The following BRINP3 variants were observed in gnomAD, a reference collection of about 807,000 sequenced individuals.
BRINP3 encodes BMP/retinoic acid-inducible neural-specific protein 3.
BRINP3 carries 19 observed loss-of-function variants against 71.0 expected under a neutral mutation model. The ratio of observed to expected loss-of-function variants is 0.27; its 90% CI spans 0.19 to 0.39. The LOEUF is 0.39. Among genes scored for constraint, BRINP3 ranks in the 10% least tolerant of loss-of-function variants. BRINP3 has a pLI of 1.00. For synonymous variants in BRINP3, 380 were observed against 337.7 expected (o/e 1.13, Z -1.37); for missense variants, 959 against 940.8 (o/e 1.02, Z -0.25).
intron 1 of BRINP3, among the ~76,000 whole-genome samples, chr1:190,456,869 C>G (rs540660854): frequency 9.2e-4 from 140 of 152,148 alleles, no homozygotes; most frequent in African/African-American, 3.3e-3. Flanking sequence ...CATATATCAT[C>G]TGAAAGGATG....
chr1:190,416,371 C>T (rs1395357705), intron 2 of BRINP3, among the ~76,000 whole-genome samples: 1 of 152,022 alleles, frequency 6.6e-6, no homozygotes, highest in Non-Finnish European at 1.5e-5. Flanking sequence ...TATATGACCC[C>T]CTTGCCACCA....
At chr1:190,449,007 GTT>G (rs1675424835) in intron 2 of BRINP3, among the ~76,000 whole-genome samples, 1 of 151,748 alleles carries the variant, frequency 6.6e-6, no homozygotes, top group Non-Finnish European at 1.5e-5. Flanking sequence ...TTTTTCTAAG[GTT>G]TTACTCAAAT....
chr1:190,233,065 T>G (rs934786659), intron 5 of BRINP3, among the ~76,000 whole-genome samples: 2 of 151,208 alleles, frequency 1.3e-5, no homozygotes, highest in African/African-American at 2.4e-5. Flanking sequence ...CATTCACTAT[T>G]TAGGATAAAT....
intron 6 of BRINP3, among the ~76,000 whole-genome samples, chr1:190,213,746 T>C (rs148230724): frequency 1.3e-5 from 2 of 151,896 alleles, no homozygotes; most frequent in Non-Finnish European, 1.5e-5. Flanking sequence ...CTAATAAAAT[T>C]GCACAATTGA....
chr1:190,134,928 C>T (rs1375791496), intron 7 of BRINP3, among the ~76,000 whole-genome samples: 2 of 152,016 alleles, frequency 1.3e-5, no homozygotes, highest in Non-Finnish European at 2.9e-5. Context: ...TATCTCAGTG[C>T]CTCTTTACTA....
chr1:190,436,990 T>C (rs1038441334), intron 2 of BRINP3, among the ~76,000 whole-genome samples: 51 of 151,814 alleles, frequency 3.4e-4, no homozygotes, highest in African/African-American at 1.2e-3. Flanking sequence ...TTACAGAAGT[T>C]TTACAATATC....
intron 2 of BRINP3, among the ~76,000 whole-genome samples, chr1:190,381,393 G>A (rs1429356761): frequency 6.6e-6 from 1 of 152,056 alleles, no homozygotes; most frequent in Non-Finnish European, 1.5e-5. Context: ...TAACAATTAT[G>A]TACCAAGCCA....
At chr1:190,408,498 G>A (rs913364531) in intron 2 of BRINP3, among the ~76,000 whole-genome samples, 18 of 151,994 alleles carry the variant, frequency 1.2e-4, no homozygotes, top group African/African-American at 3.4e-4. Context: ...TAGGAGAATT[G>A]AACTATACTC....
intron 2 of BRINP3, among the ~76,000 whole-genome samples, chr1:190,371,704 G>A (rs1272017316): frequency 6.6e-6 from 1 of 152,140 alleles, no homozygotes; most frequent in African/African-American, 2.4e-5. Flanking sequence ...AGTCCCTTGA[G>A]AAATGTTCTA....
intron 2 of BRINP3, among the ~76,000 whole-genome samples, chr1:190,317,520 A>G (rs1209848059): frequency 6.6e-6 from 1 of 152,070 alleles, no homozygotes; most frequent in Admixed American, 6.6e-5. Context: ...TTTATGTTGC[A>G]CATTATGCTT....
intron 2 of BRINP3, among the ~76,000 whole-genome samples, chr1:190,309,367 G>C (rs1437038792): frequency 1.3e-5 from 2 of 151,728 alleles, no homozygotes; most frequent in African/African-American, 4.8e-5. Context: ...TTCTGAAAAT[G>C]TATAGTATTG....
chr1:190,206,504 TA>T (rs1571360109), intron 6 of BRINP3, among the ~76,000 whole-genome samples: 1 of 151,832 alleles, frequency 6.6e-6, no homozygotes, highest in African/African-American at 2.4e-5. Flanking sequence ...ATGTGTATGA[TA>T]AAAAAAGAGG....
chr1:190,225,899 A>G (rs1361742002), intron 6 of BRINP3, among the ~76,000 whole-genome samples, 183 bp downstream of exon 6: 2 of 152,038 alleles, frequency 1.3e-5, no homozygotes, highest in Non-Finnish European at 2.9e-5. Flanking sequence ...CCAATAGTAC[A>G]TAGCAATACA....
intron 2 of BRINP3, among the ~76,000 whole-genome samples, chr1:190,311,496 A>C (rs964851197): frequency 5.3e-5 from 8 of 151,674 alleles, no homozygotes; most frequent in Admixed American, 1.3e-4. Context: ...GCCAAAAAAA[A>C]GTAGAAATTA....
chr1:190,402,908 G>A (rs969794991), intron 2 of BRINP3, among the ~76,000 whole-genome samples: 38 of 152,080 alleles, frequency 2.5e-4, no homozygotes, highest in African/African-American at 9.2e-4. Context: ...TGAATTTTTG[G>A]TAGACACGGT....
Position 190,343,526 on chromosome 1 carries a change from G to A in BRINP3, c.237-61776C>T, listed in dbSNP as rs572572124. Among the ~76,000 whole-genome samples the A allele has an allele frequency of 4.6e-5, 7 of 151,756 alleles. No individual in the cohort carries two copies. The South Asian group carries it at 1.2e-3, about 27-fold the overall frequency. On this transcript the variant is annotated intron_variant, in intron 2 of 7. Transcript: ENST00000367462. ...TTCTGCACAGGTATTATAAAGGAAGGATGACATATAAATTAAGTGCATATT... is the reference window on the plus strand; with the variant it reads ...TTCTGCACAGGTATTATAAAGGAAGAATGACATATAAATTAAGTGCATATT...
At chr1:190,121,614 A>G (rs757001478) in intron 7 of BRINP3, among the ~76,000 whole-genome samples, 6 of 152,168 alleles carry the variant, frequency 3.9e-5, no homozygotes, top group Non-Finnish European at 7.4e-5. Flanking sequence ...AAAAATATAA[A>G]TTAGTTTCCA....
Position 190,098,848 on chromosome 1 carries a change from C to A in BRINP3, c.1471G>T (p.Asp491Tyr), listed in dbSNP as rs149120995. The change falls in exon 8 of 8, where the codon GAC (aspartate) becomes TAC (tyrosine). Residue 491 changes from aspartate (D) to tyrosine (Y), a missense_variant. By Grantham distance (160) the Asp-to-Tyr change is radical. Coordinates refer to ENST00000367462, the MANE Select transcript of BRINP3 (RefSeq NM_199051.3). ...TATTTCATCTCGAGATCTTGCAGGT[C>A]AGTTTCAAAGCCAATATAGTGATCG... is the stretch of plus-strand genomic sequence containing the variant. ...STDHYIGFETDLQDLEMKYLL... is the reference protein window; with the variant it reads ...STDHYIGFETYLQDLEMKYLL... 1 of 1,614,064 alleles carries A rather than the reference C, an allele frequency of 6.2e-7. No homozygotes were observed. The highest frequency in any genetic ancestry group is 8.5e-7 in the Non-Finnish European group (1 of 1,180,048).
At chr1:190,172,114 A>G (rs1179964447) in intron 6 of BRINP3, among the ~76,000 whole-genome samples, 1 of 149,410 alleles carries the variant, frequency 6.7e-6, no homozygotes, top group Non-Finnish European at 1.5e-5. Flanking sequence ...ATAAATTTAA[A>G]AAGGTCTTTC....
Sources: gnomAD v4.1 joint callset for allele counts (sites outside exome capture counted in the v4.1 genomes callset) on GRCh38, gnomAD v4.1.1 for gene constraint, MANE v1.5 for transcripts, NCBI Gene and HGNC (gene_info 2026-07-23, HGNC 2026-07-21) for gene names.